ARHGAP32: variants seen among roughly 807,000 people sequenced by gnomAD.
ARHGAP32 encodes Rho GTPase activating protein 32.
In ARHGAP32, 51 loss-of-function variants were observed where a neutral mutation model predicts 186.5. The ratio of observed to expected loss-of-function variants is 0.27; its 90% CI spans 0.22 to 0.35. ARHGAP32 has a LOEUF of 0.35. Ranked by LOEUF, ARHGAP32 falls within the 10% of genes least tolerant of loss-of-function variation. The pLI, the probability that ARHGAP32 is intolerant of heterozygous loss-of-function variation, is 1.00. For missense variants in ARHGAP32, 2,186 were observed against 2,623.5 expected, an observed-to-expected ratio of 0.83 and a Z score of 3.64; for synonymous variants, 950 against 964.3, an observed-to-expected ratio of 0.99 and a Z score of 0.27.
chr11:128,989,516 T>TCACACACACACACA (rs56090706), intron 12 of ARHGAP32, among the ~76,000 whole-genome samples: 3,809 of 138,904 alleles, frequency 0.027, 77 homozygotes, highest in Non-Finnish European at 0.036. Flanking sequence ...GTTTTTTATT[T>TCACACACACACACA]CACACACACA....
intron 12 of ARHGAP32, chr11:128,993,195 GAATT>G (rs763246885): frequency 2.0e-4 from 30 of 152,098 alleles, no homozygotes; most frequent in Admixed American, 5.2e-4. Flanking sequence ...AATATTCAGA[GAATT>G]AACCATTTAG....
intron 2 of ARHGAP32, among the ~76,000 whole-genome samples, chr11:129,133,365 C>A (rs1942861904): frequency 6.6e-6 from 1 of 152,050 alleles, no homozygotes; most frequent in African/African-American, 2.4e-5. Context: ...AGTGAAATTT[C>A]TGAAAACAAT....
rs187253245 is a variant in ARHGAP32, at chr11:129,023,095, A to G, written c.1045+17833T>C. Among the ~76,000 whole-genome samples, 177 of 152,288 alleles carry G rather than the reference A, an allele frequency of 1.2e-3. 2 individuals carry two copies. The East Asian group carries it at 0.031, about 27-fold the overall frequency. On this transcript the variant is annotated intron_variant, in intron 11 of 22. Transcript: ENST00000682385. ...GAAAAATGTTCAACCTCTGTTAAGA[A>G]GTTGAACATACTAATCAGCCCTATT...
At chr11:129,236,439 T>G (rs758980451) in intron 1 of ARHGAP32, among the ~76,000 whole-genome samples, 21 of 152,182 alleles carry the variant, frequency 1.4e-4, no homozygotes, top group Non-Finnish European at 2.8e-4. Context: ...CTTGCTGATT[T>G]GTTTGGCTTC....
intron 1 of ARHGAP32, among the ~76,000 whole-genome samples, chr11:129,170,270 A>G (rs1350567943): frequency 6.7e-6 from 1 of 150,370 alleles, no homozygotes; most frequent in Admixed American, 6.6e-5. Flanking sequence ...ATAGGTATAC[A>G]TGTGCCATGG....
chr11:129,021,309 T>A (rs1213939082), intron 11 of ARHGAP32, among the ~76,000 whole-genome samples: 1 of 151,928 alleles, frequency 6.6e-6, no homozygotes, highest in Non-Finnish European at 1.5e-5. Context: ...GAGCAGAAAA[T>A]GGGCCACAAA....
intron 1 of ARHGAP32, among the ~76,000 whole-genome samples, chr11:129,231,806 C>T (rs772717429): frequency 1.3e-5 from 2 of 151,956 alleles, no homozygotes; most frequent in Non-Finnish European, 2.9e-5. Context: ...AGGCGAATCA[C>T]TTGAGCCCAG....
At position 128,969,367 on chromosome 11, in the gene ARHGAP32, A is replaced by AC; in HGVS notation, c.5845_5846insG (p.Leu1949CysfsTer20). On this transcript the variant is annotated frameshift_variant, in exon 23 of 23. Transcript: ENST00000682385. LOFTEE classifies it high-confidence loss of function. This position sits in a 1 kb window ranked among gnomAD's most constrained non-coding sequence, Gnocchi z 4.8. ...CCTTACCTCTTTGTGGTTCAGTCTT[A>AC]AAGATTCTTGCCCGGATGCAGCATA... 1 of 1,614,204 alleles carries AC rather than the reference A, an allele frequency of 6.2e-7. No individual in the cohort carries two copies. The highest frequency in any genetic ancestry group is 8.5e-7 in the Non-Finnish European group (1 of 1,180,046).
intron 10 of ARHGAP32, among the ~76,000 whole-genome samples, chr11:129,045,399 G>A (rs567427473): frequency 6.6e-5 from 10 of 152,242 alleles, no homozygotes; most frequent in African/African-American, 2.4e-4. Context: ...GTTTCTTGAA[G>A]CCAAAATCAC....
chr11:129,021,232 T>A (rs1938578721), intron 11 of ARHGAP32, among the ~76,000 whole-genome samples: 1 of 151,888 alleles, frequency 6.6e-6, no homozygotes, highest in Non-Finnish European at 1.5e-5. Context: ...AAAATAAATC[T>A]GTAGTAGATT....
Position 129,066,751 on chromosome 11 carries a change from T to C in ARHGAP32, c.649A>G (p.Thr217Ala). The C allele has an allele frequency of 6.2e-7, 1 of 1,612,390 alleles. No homozygotes were observed. The highest frequency in any genetic ancestry group is 2.2e-5 in the East Asian group (1 of 44,836). ...CTTACCTCTGGACTGTCCTTCAGGG[T>C]GTCAGAACGGGGAAGTTCTGAGAGC... ...SQLSELPRSD[T>A]LKDSPESVTQ... Residue 217 changes from threonine (T) to alanine (A), a missense_variant, in exon 7 of 23, where the codon ACC becomes GCC. Transcript: ENST00000682385.
chr11:129,148,987 C>G (rs1943231156), intron 2 of ARHGAP32, among the ~76,000 whole-genome samples: 1 of 152,166 alleles, frequency 6.6e-6, no homozygotes, highest in Non-Finnish European at 1.5e-5. Flanking sequence ...TAAACCAGCC[C>G]CAACCTGATG....
At chr11:129,017,325 G>A (rs917317061) in intron 11 of ARHGAP32, among the ~76,000 whole-genome samples, 8 of 151,834 alleles carry the variant, frequency 5.3e-5, no homozygotes, top group African/African-American at 1.7e-4. Context: ...GTGGTGGCGG[G>A]CACCTGTAAT....
At chr11:129,141,992 C>T (rs1199473768) in intron 2 of ARHGAP32, among the ~76,000 whole-genome samples, 1 of 152,020 alleles carries the variant, frequency 6.6e-6, no homozygotes, top group Non-Finnish European at 1.5e-5. Context: ...TATATAACTA[C>T]AATGTGCAAA....
At chr11:129,187,941 GGTTT>G (rs1162550966) in intron 1 of ARHGAP32, among the ~76,000 whole-genome samples, 1 of 151,628 alleles carries the variant, frequency 6.6e-6, no homozygotes, top group African/African-American at 2.4e-5. Context: ...TTTTTTGTGT[GGTTT>G]TTTTGTTTGT....
intron 19 of ARHGAP32, 36 bp from the exon 20 acceptor site, chr11:128,976,670 T>C (rs373521177): frequency 1.5e-4 from 228 of 1,551,386 alleles, no homozygotes; most frequent in Non-Finnish European, 1.9e-4. Flanking sequence ...GAAGATTTCT[T>C]ATTTGTTACA....
chr11:128,993,441 A>C (rs922742831), intron 12 of ARHGAP32: 2 of 152,030 alleles, frequency 1.3e-5, no homozygotes, highest in African/African-American at 4.8e-5. Context: ...AAACTTTGAG[A>C]AAGAACAATT....
intron 1 of ARHGAP32, among the ~76,000 whole-genome samples, chr11:129,233,064 T>C (rs1944879620): frequency 6.6e-6 from 1 of 152,192 alleles, no homozygotes; most frequent in Non-Finnish European, 1.5e-5. Flanking sequence ...ATAAAGTATT[T>C]ATTTTTACTG....
intron 1 of ARHGAP32, among the ~76,000 whole-genome samples, chr11:129,243,171 ATT>A (rs1945043306): frequency 1.3e-5 from 2 of 152,108 alleles, no homozygotes; most frequent in Admixed American, 6.6e-5. Context: ...CATCCTCATT[ATT>A]TTCCAATGTG....
Sources: gnomAD v4.1 joint callset for allele counts (sites outside exome capture counted in the v4.1 genomes callset) on GRCh38, gnomAD v4.1.1 for gene constraint, Gnocchi (gnomAD v3.1) non-coding constraint, MANE v1.5 for transcripts, NCBI Gene and HGNC (gene_info 2026-07-23, HGNC 2026-07-21) for gene names.